ABCC1: variants seen among roughly 807,000 people sequenced by gnomAD.
ABCC1 encodes the protein multidrug resistance-associated protein 1.
A neutral mutation model predicts 172.9 loss-of-function variants in ABCC1; 83 were observed. That is an observed-to-expected ratio of 0.48 (90% CI 0.40 to 0.58). The LOEUF (loss-of-function observed/expected upper bound fraction) is 0.58. Among genes scored for constraint, ABCC1 ranks in the 20% least tolerant of loss-of-function variants. ABCC1 has a pLI of 0.00. For synonymous variants in ABCC1, 937 were observed against 825.2 expected (o/e 1.14, Z -2.32); for missense variants, 1,817 against 2,002.7 (o/e 0.91, Z 1.77).
At chr16:16,049,406 C>A (rs2049338512) in intron 10 of ABCC1, among the ~76,000 whole-genome samples, 1 of 152,166 alleles carries the variant, frequency 6.6e-6, no homozygotes, top group Non-Finnish European at 1.5e-5. Context: ...GACAGCCCTT[C>A]CATGTGGAGA....
chr16:16,041,751 G>A (rs1250795342), intron 7 of ABCC1, among the ~76,000 whole-genome samples: 1 of 152,124 alleles, frequency 6.6e-6, no homozygotes, highest in African/African-American at 2.4e-5. Context: ...GCTCTGCATG[G>A]CTTCCTGGAT....
Position 16,143,004 on chromosome 16 carries a change from C to G in ABCC1, c.*1723C>G, listed in dbSNP as rs2046182050. 6.6e-6 allele frequency: 1 copy of G among 152,262 alleles called. No homozygotes were observed. Among genetic ancestry groups the G allele is most frequent in the Admixed American group, 6.6e-5 (1 of 15,256 alleles). 9.4% of individuals were successfully genotyped at this position (152,262 alleles called of 1,614,324 possible). Reference sequence around the variant, plus strand: ...GTTTTGGGGGATCCTTTTGTAATGACTTACACTGGAAATGCGAACATTTGC... The same window carrying G: ...GTTTTGGGGGATCCTTTTGTAATGAGTTACACTGGAAATGCGAACATTTGC... On this transcript the variant is annotated 3_prime_UTR_variant, in exon 31 of 31. Transcript: ENST00000399410.
intron 3 of ABCC1, among the ~76,000 whole-genome samples, chr16:16,012,147 G>T (rs556158844): frequency 1.3e-4 from 20 of 152,282 alleles, no homozygotes; most frequent in African/African-American, 4.6e-4. Context: ...TCCACTCTCT[G>T]CCAAGAACTG....
At chr16:15,962,828 CAG>C (rs1406407252) in intron 1 of ABCC1, among the ~76,000 whole-genome samples, 1 of 152,208 alleles carries the variant, frequency 6.6e-6, no homozygotes, top group Non-Finnish European at 1.5e-5. Context: ...TGCGGGGACA[CAG>C]AGCCGTGCCA....
At chr16:16,117,245 T>C (rs948093710) in intron 23 of ABCC1, among the ~76,000 whole-genome samples, 1 of 152,136 alleles carries the variant, frequency 6.6e-6, no homozygotes. Flanking sequence ...GAAGCAAACA[T>C]GTCCTTCTTC....
In ABCC1 at chr16:16,138,489, G is replaced by A. The variant is rs199539300; in HGVS notation, c.4418G>A (p.Arg1473Gln). Reference protein sequence around the residue: ...ETDDLIQSTIRTQFEDCTVLT... With the variant: ...ETDDLIQSTIQTQFEDCTVLT... ...GACGACCTCATCCAGTCCACCATCCGGACACAGTTCGAGGACTGCACCGTC... is the reference window on the plus strand; with the variant it reads ...GACGACCTCATCCAGTCCACCATCCAGACACAGTTCGAGGACTGCACCGTC... The change falls in exon 30 of 31, where the codon CGG (arginine) becomes CAG (glutamine). Residue 1473 changes from arginine to glutamine, a missense_variant. Around this residue, in one of 3 missense-constraint regions of ABCC1, gnomAD observed 1,412 missense variants for 1,600.3 expected, o/e 0.88. Coordinates refer to ENST00000399410, the MANE Select transcript of ABCC1 (RefSeq NM_004996.4). 9.3e-6 allele frequency: 15 copies of A among 1,612,986 alleles called. No homozygotes were observed. The highest frequency in any genetic ancestry group is 3.3e-5 in the South Asian group (3 of 91,008).
At chr16:16,140,119 C>T (rs530719297) in intron 30 of ABCC1, among the ~76,000 whole-genome samples, 1 of 152,320 alleles carries the variant, frequency 6.6e-6, no homozygotes, top group Admixed American at 6.5e-5. Context: ...GCAGCCGGTA[C>T]AGCCGAATGT....
chr16:15,949,395 C>G (rs1431551300), upstream of ABCC1, among the ~76,000 whole-genome samples: 1 of 151,884 alleles, frequency 6.6e-6, no homozygotes, highest in Admixed American at 6.6e-5. Context: ...CTCCCCAGGC[C>G]CGTCCGCGAG....
chr16:16,007,298 G>C (rs1485966588), intron 1 of ABCC1, among the ~76,000 whole-genome samples: 1 of 151,536 alleles, frequency 6.6e-6, no homozygotes, highest in Non-Finnish European at 1.5e-5. Context: ...CATGATCTCA[G>C]CTCGTTGCAA....
chr16:15,953,798 G>A (rs563643004), intron 1 of ABCC1, among the ~76,000 whole-genome samples: 9 of 152,042 alleles, frequency 5.9e-5, no homozygotes, highest in East Asian at 1.9e-4. Flanking sequence ...TGACTTAGCC[G>A]CCAAGGAAGA....
intron 19 of ABCC1, among the ~76,000 whole-genome samples, chr16:16,100,720 G>A (rs1282012085): frequency 6.6e-6 from 1 of 152,192 alleles, no homozygotes; most frequent in African/African-American, 2.4e-5. Flanking sequence ...GCAACACGGG[G>A]GTCGCCATCA....
intron 1 of ABCC1, among the ~76,000 whole-genome samples, chr16:15,989,168 G>A (rs2046805961): frequency 6.6e-6 from 1 of 152,050 alleles, no homozygotes; most frequent in Non-Finnish European, 1.5e-5. Flanking sequence ...GATAGAGCAA[G>A]GATGGCCGTG....
intron 14 of ABCC1, 70 bp downstream of exon 14, chr16:16,071,799 T>TG: frequency 7.2e-7 from 1 of 1,387,180 alleles, no homozygotes; most frequent in Non-Finnish European, 1.0e-6. Flanking sequence ...CCTCCCTACT[T>TG]GCATTTCTTT....
At chr16:15,956,329 C>T (rs775469169) in intron 1 of ABCC1, among the ~76,000 whole-genome samples, 11 of 151,610 alleles carry the variant, frequency 7.3e-5, no homozygotes, top group Non-Finnish European at 1.5e-4. Context: ...CGCGCCATTG[C>T]ACTCCAGCTT....
intron 30 of ABCC1, among the ~76,000 whole-genome samples, 161 bp from the exon 31 acceptor site, chr16:16,141,012 G>A (rs1159083524): frequency 6.6e-6 from 1 of 152,202 alleles, no homozygotes; most frequent in Non-Finnish European, 1.5e-5. Flanking sequence ...ACTAGAAATA[G>A]GGATTGAGGG....
chr16:16,000,044 G>A (rs1242931442), intron 1 of ABCC1, among the ~76,000 whole-genome samples: 3 of 150,128 alleles, frequency 2.0e-5, no homozygotes, highest in South Asian at 4.2e-4. Context: ...TAGTACAGAC[G>A]GAGTTTCACC....
At chr16:16,091,527 C>A (rs981604485) in intron 19 of ABCC1, among the ~76,000 whole-genome samples, 1 of 151,988 alleles carries the variant, frequency 6.6e-6, no homozygotes, top group Admixed American at 6.6e-5. Context: ...GATAGGGAAA[C>A]CCTCTCTGGG....
intron 11 of ABCC1, 57 bp from the exon 12 acceptor site, chr16:16,056,035 A>C: frequency 3.4e-6 from 5 of 1,451,310 alleles, no homozygotes; most frequent in Non-Finnish European, 4.8e-6. Context: ...GGTGATGTTG[A>C]GTGATGGGCT....
At chr16:16,108,766 T>C (rs2052258299) in intron 21 of ABCC1, among the ~76,000 whole-genome samples, 1 of 151,910 alleles carries the variant, frequency 6.6e-6, no homozygotes, top group Non-Finnish European at 1.5e-5. Flanking sequence ...TGACTAATTT[T>C]TTTAATTTTT....
Sources: allele counts gnomAD v4.1 joint callset (sites outside exome capture counted in the v4.1 genomes callset), GRCh38; gene constraint gnomAD v4.1.1; regional missense constraint gnomAD v4.1.1; transcripts MANE v1.5; gene names NCBI Gene and HGNC (gene_info 2026-07-23, HGNC 2026-07-21).